ADAM19: variants seen among roughly 807,000 people sequenced by gnomAD.
ADAM19 encodes disintegrin and metalloproteinase domain-containing protein 19.
In ADAM19, 65 loss-of-function variants were observed where a neutral mutation model predicts 114.7. That is an observed-to-expected ratio of 0.57 (90% CI 0.46 to 0.70). ADAM19 has a LOEUF of 0.70. Ranked by LOEUF, ADAM19 falls within the 30% of genes least tolerant of loss-of-function variation. The pLI is 0.00. For synonymous variants in ADAM19, 466 were observed against 460.5 expected, an observed-to-expected ratio of 1.01 and a Z score of -0.15; for missense variants, 1,063 against 1,204.7, an observed-to-expected ratio of 0.88 and a Z score of 1.74.
At chr5:157,537,882 G>T in intron 4 of ADAM19, 31 bp downstream of exon 4, 1 of 1,589,836 alleles carries the variant, frequency 6.3e-7, no homozygotes, top group Non-Finnish European at 8.6e-7. Context: ...GAGGACAGCT[G>T]CTGGATAGAC....
intron 7 of ADAM19, among the ~76,000 whole-genome samples, chr5:157,516,722 A>C (rs1442915411): frequency 6.6e-6 from 1 of 152,186 alleles, no homozygotes; most frequent in Non-Finnish European, 1.5e-5. Flanking sequence ...TGCAGAACTT[A>C]AGTGGAAAAA....
chr5:157,535,372 C>T (rs562660163), intron 4 of ADAM19, among the ~76,000 whole-genome samples: 2 of 152,340 alleles, frequency 1.3e-5, no homozygotes, highest in East Asian at 3.9e-4. Context: ...CTACCCCAGG[C>T]CAAGTTTGGT....
chr5:157,552,182 C>T (rs1018348513), intron 3 of ADAM19, among the ~76,000 whole-genome samples: 3 of 151,736 alleles, frequency 2.0e-5, no homozygotes, highest in East Asian at 3.9e-4. Flanking sequence ...CAAAAAAAAC[C>T]GCAATGAGAT....
intron 1 of ADAM19, among the ~76,000 whole-genome samples, chr5:157,574,956 C>A (rs1298456123): frequency 6.6e-6 from 1 of 152,200 alleles, no homozygotes; most frequent in African/African-American, 2.4e-5. Context: ...TGGGCAAGTC[C>A]TTTCCCTTTT....
intron 4 of ADAM19, among the ~76,000 whole-genome samples, chr5:157,536,391 G>A (rs1434564679): frequency 6.6e-6 from 1 of 152,174 alleles, no homozygotes; most frequent in African/African-American, 2.4e-5. Context: ...ACTTTGGGAG[G>A]CCAAGGTGGG....
intron 5 of ADAM19, among the ~76,000 whole-genome samples, chr5:157,530,475 C>CTTTT (rs1756594046): frequency 2.6e-5 from 4 of 152,250 alleles, no homozygotes; most frequent in African/African-American, 9.6e-5. Flanking sequence ...GTGCCGCCCC[C>CTTTT]CATGGCACAG....
At chr5:157,529,417 T>A (rs1756563742) in intron 5 of ADAM19, among the ~76,000 whole-genome samples, 3 of 113,808 alleles carry the variant, frequency 2.6e-5, no homozygotes, top group South Asian at 5.8e-4. Flanking sequence ...AAGCAAGGCA[T>A]TAAGGCAGGC....
At position 157,570,985 on chromosome 5, in the gene ADAM19, C is replaced by T. The variant is rs754437652; in HGVS notation, c.95-5G>A. The T allele has an allele frequency of 1.2e-6, 2 of 1,613,682 alleles. No homozygotes were observed. The highest frequency in any genetic ancestry group is 1.7e-4 in the Middle Eastern group (1 of 6,060). ...GGCTGCCTTCCTCACTTCCTCCTGC[C>T]AATACAAGATGCAAAACCATTGGAA... is the stretch of plus-strand genomic sequence containing the variant. On this transcript the variant is annotated splice_region_variant and splice_polypyrimidine_tract_variant and intron_variant, in intron 1 of 22. Transcript: ENST00000257527.
intron 9 of ADAM19, among the ~76,000 whole-genome samples, chr5:157,508,977 G>T (rs1050292568): frequency 1.5e-4 from 23 of 152,252 alleles, no homozygotes; most frequent in South Asian, 4.1e-4. Context: ...GAGTCTCTTA[G>T]AAAGTCTAAG....
intron 15 of ADAM19, among the ~76,000 whole-genome samples, 179 bp downstream of exon 15, chr5:157,494,507 TC>T (rs1319046370): frequency 6.6e-6 from 1 of 152,112 alleles, no homozygotes; most frequent in African/African-American, 2.4e-5. Context: ...TCCTCTGACT[TC>T]CTCAGAGCTG....
At chr5:157,502,666 T>C (rs1363848672) in intron 12 of ADAM19, 137 bp downstream of exon 12, 2 of 946,672 alleles carry the variant, frequency 2.1e-6, no homozygotes, top group Non-Finnish European at 3.2e-6. Context: ...TCATATCTGA[T>C]TTTTCATGGG....
intron 9 of ADAM19, among the ~76,000 whole-genome samples, chr5:157,508,106 T>C (rs1204495357): frequency 6.6e-6 from 1 of 152,228 alleles, no homozygotes; most frequent in Non-Finnish European, 1.5e-5. Flanking sequence ...GCAAAATCTA[T>C]GCAAATTGAT....
chr5:157,494,630 C>T, intron 15 of ADAM19, 57 bp downstream of exon 15: 1 of 1,468,226 alleles, frequency 6.8e-7, no homozygotes, highest in East Asian at 2.3e-5. Flanking sequence ...ACAGTGAGGA[C>T]AGAGCAGAAA....
intron 3 of ADAM19, among the ~76,000 whole-genome samples, chr5:157,542,400 A>G (rs1756939909): frequency 6.6e-6 from 1 of 152,184 alleles, no homozygotes; most frequent in African/African-American, 2.4e-5. Context: ...GTGCTAACCC[A>G]GCATAGAGGG....
chr5:157,498,689 T>TATATATATATATATAC lies in ADAM19; in HGVS notation c.1398+883_1398+884insGTATATATATATATAT, dbSNP rs1554079323. Among the ~76,000 whole-genome samples, 9 of 14,530 alleles carry TATATATATATATATAC rather than the reference T, an allele frequency of 6.2e-4. No individual in the cohort carries two copies. In the East Asian group the frequency reaches 0.075, roughly 121 times the overall value. The allele number at this position is 14,530 out of a possible 152,430, so 9.5% of individuals were successfully genotyped here. A position where few individuals can be genotyped will look rare whatever the true frequency, so the allele number is the denominator to read the frequency against. Reference sequence around the variant, plus strand: ...ATATATAATTACACATGTGTGTATGTATATATATATATATATATATATGGA... The same window carrying TATATATATATATATAC: ...ATATATAATTACACATGTGTGTATGTATATATATATATATACATATATATATATATATATATATGGA... On this transcript the variant is annotated intron_variant, in intron 13 of 22. Coordinates refer to ENST00000257527, the MANE Select transcript of ADAM19 (RefSeq NM_033274.5).
chr5:157,502,680 T>C (rs1755606787), intron 12 of ADAM19, 123 bp downstream of exon 12: 1 of 1,059,002 alleles, frequency 9.4e-7, no homozygotes, highest in African/African-American at 1.6e-5. Context: ...TCATGGGGTA[T>C]TGGACAGTTA....
At position 157,481,251 on chromosome 5, in the gene ADAM19, C is replaced by A. The variant is rs1308490254; in HGVS notation, c.2704-249G>T. 3 of 599,704 alleles carry A rather than the reference C, an allele frequency of 5.0e-6. No homozygotes were observed. The African/African-American group carries it at 5.6e-5, about 11-fold the overall frequency. 37.1% of individuals were successfully genotyped at this position (599,704 alleles called of 1,614,324 possible). A position where few individuals can be genotyped will look rare whatever the true frequency, so the allele number is the denominator to read the frequency against. ...CTTCCCTTCCCTGCTAAGGCAGCAGCACAGTCCATAGTTTTCTCAATGCCT... is the reference window on the plus strand; with the variant it reads ...CTTCCCTTCCCTGCTAAGGCAGCAGAACAGTCCATAGTTTTCTCAATGCCT... On this transcript the variant is annotated intron_variant, in intron 22 of 22. Transcript: ENST00000257527.
intron 5 of ADAM19, among the ~76,000 whole-genome samples, chr5:157,530,283 T>C (rs1756588458): frequency 6.6e-6 from 1 of 152,078 alleles, no homozygotes; most frequent in Non-Finnish European, 1.5e-5. Flanking sequence ...CAGAACCAGG[T>C]ATAGGACAAC....
chr5:157,503,852 G>C (rs1237872312), intron 11 of ADAM19, among the ~76,000 whole-genome samples: 1 of 152,190 alleles, frequency 6.6e-6, no homozygotes, highest in African/African-American at 2.4e-5. Context: ...AACTCAACCA[G>C]CCAACTCATA....
Sources: gnomAD v4.1 joint callset for allele counts (sites outside exome capture counted in the v4.1 genomes callset) on GRCh38, gnomAD v4.1.1 for gene constraint, MANE v1.5 for transcripts, NCBI Gene and HGNC (gene_info 2026-07-23, HGNC 2026-07-21) for gene names.